ANO4: variants seen among roughly 807,000 people sequenced by gnomAD.
ANO4 encodes anoctamin 4, also known as anoctamin-4.
ANO4 carries 69 observed loss-of-function variants against 141.9 expected under a neutral mutation model. That is an observed-to-expected ratio of 0.49 (90% confidence interval 0.40 to 0.59). The LOEUF (loss-of-function observed/expected upper bound fraction) is 0.59. Ranked by LOEUF, ANO4 falls within the 20% of genes least tolerant of loss-of-function variation. The pLI, the probability that ANO4 is intolerant of heterozygous loss-of-function variation, is 0.00. For missense variants in ANO4, 894 were observed against 1,162.2 expected, an observed-to-expected ratio of 0.77 and a Z score of 3.36; for synonymous variants, 350 against 394.3, an observed-to-expected ratio of 0.89 and a Z score of 1.33.
intron 1 of ANO4, among the ~76,000 whole-genome samples, chr12:100,899,665 T>C (rs924991663): frequency 6.6e-6 from 1 of 152,226 alleles, no homozygotes; most frequent in South Asian, 2.1e-4. Flanking sequence ...CTTTTTCCCC[T>C]GGGAAAATTT....
At chr12:100,984,913 AT>A (rs57931112) in intron 7 of ANO4, among the ~76,000 whole-genome samples, 130,850 of 150,578 alleles carry the variant, frequency 0.87, 57,010 homozygotes, top group African/African-American at 0.95. Flanking sequence ...GTTATGCCTG[AT>A]TTTTTTTTTT....
Position 100,839,532 on chromosome 12 carries a change from C to A in ANO4, c.-141+44505C>A, listed in dbSNP as rs542507306. 3.4e-4 allele frequency among the ~76,000 whole-genome samples: 51 copies of A among 152,042 alleles called. 1 individual carries two copies. Among genetic ancestry groups the A allele is most frequent in the African/African-American group, 1.2e-3 (48 of 41,476 alleles). ...AAAAAATTTTAAGTGATAAAGTATTCTTTCATAGTTTAATTGGCCTTTTTT... is the reference window on the plus strand; with the variant it reads ...AAAAAATTTTAAGTGATAAAGTATTATTTCATAGTTTAATTGGCCTTTTTT... On this transcript the variant is annotated intron_variant, in intron 1 of 27. Coordinates refer to ENST00000392977, the MANE Select transcript of ANO4 (RefSeq NM_001286615.2).
intron 17 of ANO4, among the ~76,000 whole-genome samples, chr12:101,092,153 C>T (rs958045771): frequency 6.6e-6 from 1 of 151,918 alleles, no homozygotes; most frequent in African/African-American, 2.4e-5. Context: ...AAGTTATTAT[C>T]ATCCTTTTTA....
At chr12:101,092,538 C>A (rs902139082) in intron 17 of ANO4, among the ~76,000 whole-genome samples, 1 of 147,246 alleles carries the variant, frequency 6.8e-6, no homozygotes, top group African/African-American at 2.5e-5. Context: ...GTGAGTCCCT[C>A]TGTGTGTGTG....
At chr12:101,098,028 C>A in intron 21 of ANO4, 83 bp downstream of exon 21, 2 of 1,235,660 alleles carry the variant, frequency 1.6e-6, no homozygotes, top group East Asian at 2.3e-5. Context: ...ATAAGCAATG[C>A]AGACTCAGCA....
At chr12:101,022,383 A>G (rs2046569873) in intron 9 of ANO4, among the ~76,000 whole-genome samples, 1 of 152,212 alleles carries the variant, frequency 6.6e-6, no homozygotes, top group East Asian at 1.9e-4. Context: ...ATAGTTAGTC[A>G]TATACAACTC....
At chr12:101,060,397 C>T (rs1243598556) in intron 14 of ANO4, among the ~76,000 whole-genome samples, 5 of 152,138 alleles carry the variant, frequency 3.3e-5, no homozygotes, top group East Asian at 1.9e-4. Flanking sequence ...CTATTAGGTT[C>T]GCTTGGTCCA....
At chr12:101,090,844 C>T (rs1013191878) in intron 17 of ANO4, among the ~76,000 whole-genome samples, 1 of 152,112 alleles carries the variant, frequency 6.6e-6, no homozygotes. Flanking sequence ...CAGAGTAAAA[C>T]ACTTCATTTA....
At chr12:101,115,471 G>T (rs1005837353) in intron 24 of ANO4, among the ~76,000 whole-genome samples, 5 of 151,482 alleles carry the variant, frequency 3.3e-5, no homozygotes, top group African/African-American at 4.8e-5. Context: ...AAAAGAAGAA[G>T]TAAGAAGTTA....
intron 9 of ANO4, among the ~76,000 whole-genome samples, chr12:101,027,463 C>G (rs1354924296): frequency 6.6e-6 from 1 of 152,210 alleles, no homozygotes; most frequent in African/African-American, 2.4e-5. Flanking sequence ...AAGCTAAGCT[C>G]TCTGTGGGGG....
intron 3 of ANO4, among the ~76,000 whole-genome samples, chr12:100,929,569 A>G (rs1037401797): frequency 6.6e-6 from 1 of 152,206 alleles, no homozygotes; most frequent in African/African-American, 2.4e-5. Flanking sequence ...ATAGTGCTGC[A>G]GTAAACATGA....
intron 14 of ANO4, among the ~76,000 whole-genome samples, chr12:101,064,493 A>C (rs1190613934): frequency 3.3e-5 from 5 of 152,064 alleles, no homozygotes; most frequent in Non-Finnish European, 7.4e-5. Flanking sequence ...GCGGAGGGGA[A>C]CATCACACAC....
At chr12:100,874,277 G>T (rs1441535692) in intron 1 of ANO4, among the ~76,000 whole-genome samples, 1 of 152,218 alleles carries the variant, frequency 6.6e-6, no homozygotes, top group Non-Finnish European at 1.5e-5. Flanking sequence ...GTGGAGCTGT[G>T]AGAAGAGGGC....
chr12:100,833,475 A>G (rs1402281961), intron 1 of ANO4, among the ~76,000 whole-genome samples: 3 of 152,120 alleles, frequency 2.0e-5, no homozygotes, highest in Admixed American at 2.0e-4. Context: ...CATAGTCAGG[A>G]TGAATAGTCA....
chr12:101,122,198 T>TATC (rs1470208156), intron 26 of ANO4, among the ~76,000 whole-genome samples: 1 of 152,252 alleles, frequency 6.6e-6, no homozygotes, highest in Non-Finnish European at 1.5e-5. Flanking sequence ...TTTTGAGAAG[T>TATC]ATCTGTTTGT....
At chr12:100,793,319 TA>T (rs1020649172), upstream of ANO4, among the ~76,000 whole-genome samples, 4 of 152,230 alleles carry the variant, frequency 2.6e-5, no homozygotes, top group African/African-American at 7.2e-5. Flanking sequence ...CTTCTTCGTT[TA>T]AAAAATTTCA....
chr12:100,761,764 A>G (rs752763517), intron 3 of ANO4, among the ~76,000 whole-genome samples: 18 of 152,280 alleles, frequency 1.2e-4, no homozygotes, highest in Non-Finnish European at 2.1e-4. Context: ...TCATGTGCCA[A>G]CCCTGCAAGC....
At chr12:100,901,608 T>A in intron 1 of ANO4, 38 bp from the exon 2 acceptor site, 1 of 690,560 alleles carries the variant, frequency 1.4e-6, no homozygotes. Flanking sequence ...CATTCTGAAG[T>A]GACTTCTTCA....
intron 3 of ANO4, among the ~76,000 whole-genome samples, chr12:100,938,826 T>C (rs2042390631): frequency 6.6e-6 from 1 of 152,174 alleles, no homozygotes; most frequent in Non-Finnish European, 1.5e-5. Flanking sequence ...TGTTCTGTCT[T>C]AGAGAAGTAA....
Sources: allele counts gnomAD v4.1 joint callset (sites outside exome capture counted in the v4.1 genomes callset), GRCh38; gene constraint gnomAD v4.1.1; transcripts MANE v1.5; gene names NCBI Gene and HGNC (gene_info 2026-07-23, HGNC 2026-07-21).